The following DSG1 variants were observed in gnomAD, a reference collection of about 807,000 sequenced individuals.
DSG1 encodes the protein desmoglein-1.
A neutral mutation model predicts 97.5 loss-of-function variants in DSG1; 39 were observed. The ratio of observed to expected loss-of-function variants is 0.40; its 90% CI spans 0.31 to 0.52. The LOEUF is 0.52. Among genes scored for constraint, DSG1 ranks in the 20% least tolerant of loss-of-function variants. The pLI, the probability that DSG1 is intolerant of heterozygous loss-of-function variation, is 0.53. For synonymous variants in DSG1, 475 were observed against 443.4 expected (o/e 1.07, Z -0.90); for missense variants, 1,311 against 1,295.4 (o/e 1.01, Z -0.18).
At position 31,336,594 on chromosome 18, in the gene DSG1, A is replaced by G; in HGVS notation, c.1246A>G (p.Arg416Gly). 6.2e-7 allele frequency: 1 copy of G among 1,614,060 alleles called. No individual in the cohort carries two copies. The highest frequency in any genetic ancestry group is 1.1e-5 in the South Asian group (1 of 91,084). Residue 416 changes from arginine (R) to glycine (G), a missense_variant, in exon 9 of 15, where the codon AGA becomes GGA. This residue lies in a region of DSG1 where 1,038 missense variants were observed against 964.6 expected (regional missense o/e 1.08). Transcript: ENST00000257192. ...DFVATDLDTG[R>G]PSTTVRYVMG... Reference sequence around the variant, plus strand: ...TGTAGCTACTGACCTGGACACAGGTAGACCTTCAACGACTGTTAGGTAAGA... The same window carrying G: ...TGTAGCTACTGACCTGGACACAGGTGGACCTTCAACGACTGTTAGGTAAGA...
At chr18:31,338,170 G>T in intron 9 of DSG1, 145 bp from the exon 10 acceptor site, 1 of 829,788 alleles carries the variant, frequency 1.2e-6, no homozygotes. Context: ...TGCTAAGACT[G>T]CCCTGAAAAA....
intron 1 of DSG1, among the ~76,000 whole-genome samples, chr18:31,321,977 G>A (rs1346189023): frequency 1.3e-5 from 2 of 152,124 alleles, no homozygotes; most frequent in Non-Finnish European, 2.9e-5. Flanking sequence ...CCCAGTGCTG[G>A]GTCATGCCAC....
Position 31,354,619 on chromosome 18 carries a change from T to C in DSG1, c.2423T>C (p.Val808Ala). The change falls in exon 15 of 15, where the codon GTA (valine) becomes GCA (alanine). Residue 808 changes from valine (V) to alanine (A), a missense_variant. Val to Ala is a moderately conservative substitution (Grantham distance 64). Coordinates refer to ENST00000257192, the MANE Select transcript of DSG1 (RefSeq NM_001942.4). ...TCCCCACATTTCGGCACTACCACAG[T>C]AATTTCTGAGAGCACCTATCCCTCG... is the stretch of plus-strand genomic sequence containing the variant. The part of the protein sequence containing the change: ...PISPHFGTTT[V>A]ISESTYPSGP... 6.2e-7 allele frequency: 1 copy of C among 1,614,162 alleles called. No homozygotes were observed. The highest frequency in any genetic ancestry group is 1.3e-5 in the African/African-American group (1 of 75,026).
In DSG1 at chr18:31,356,678, C is replaced by T. The variant is rs976551138; in HGVS notation, c.*1332C>T. ...AAACCTATTCTGCTAGTTTATCTCA[C>T]CCTCTAATTTTTCTCACTAGCATAA... On this transcript the variant is annotated 3_prime_UTR_variant, in exon 15 of 15. Coordinates refer to ENST00000257192, the MANE Select transcript of DSG1 (RefSeq NM_001942.4). 2 of 152,064 alleles carry T rather than the reference C, an allele frequency of 1.3e-5. No homozygotes were observed. The highest frequency in any genetic ancestry group is 4.8e-5 in the African/African-American group (2 of 41,400). The allele number at this position is 152,064 out of a possible 1,614,324, so 9.4% of individuals were successfully genotyped here. A position where few individuals can be genotyped will look rare whatever the true frequency, so the allele number is the denominator to read the frequency against.
In DSG1 at chr18:31,338,407, A is replaced by G; in HGVS notation, c.1358A>G (p.Tyr453Cys). The change falls in exon 10 of 15, where the codon TAC becomes TGC. Residue 453 changes from tyrosine (Y) to cysteine (C), a missense_variant. By Grantham distance (194) the Tyr-to-Cys change is radical. This residue lies in a region of DSG1 where 1,038 missense variants were observed against 964.6 expected (regional missense o/e 1.08). Coordinates refer to ENST00000257192, the MANE Select transcript of DSG1 (RefSeq NM_001942.4). ...AAAAATAAAGTTACCAAGGAACAGT[A>G]CAATATGCTCGGAGGAAAATACCAA... is the stretch of plus-strand genomic sequence containing the variant. ...TLKNKVTKEQ[Y>C]NMLGGKYQGT... is the part of the protein sequence containing the mutation. 1.2e-6 allele frequency: 2 copies of G among 1,613,794 alleles called. No homozygotes were observed. The highest frequency in any genetic ancestry group is 1.7e-6 in the Non-Finnish European group (2 of 1,179,750).
chr18:31,340,361 C>T (rs141105670), intron 11 of DSG1, among the ~76,000 whole-genome samples: 8 of 151,568 alleles, frequency 5.3e-5, no homozygotes, highest in Non-Finnish European at 1.2e-4. Context: ...AATCCCAGAA[C>T]TTTGAGAGGC....
intron 11 of DSG1, among the ~76,000 whole-genome samples, chr18:31,341,550 TC>T (rs1313152289): frequency 6.6e-6 from 1 of 152,174 alleles, no homozygotes; most frequent in Non-Finnish European, 1.5e-5. Context: ...AAAACGTATT[TC>T]CAAAAAATGA....
intron 14 of DSG1, chr18:31,353,879 C>T (rs917997312): frequency 3.0e-5 from 8 of 265,496 alleles, no homozygotes; most frequent in African/African-American, 1.9e-4. Context: ...CTGGCACTCC[C>T]TAGTGAGATG....
rs532163560 is a variant in DSG1, at chr18:31,318,512, CTT to C, written c.48+166_48+167del. On this transcript the variant is annotated intron_variant, in intron 1 of 14. Transcript: ENST00000257192. ...CTAGATTTTTCAATAGCATTTCTCT[CTT>C]TAATTGAAGACTCAAGATCATGTTA... Among the ~76,000 whole-genome samples, 26 of 152,280 alleles carry C rather than the reference CTT, an allele frequency of 1.7e-4. No homozygotes were observed. In the South Asian group the frequency reaches 4.1e-3, roughly 24 times the overall value.
At chr18:31,324,398 A>G (rs1400195290) in intron 1 of DSG1, among the ~76,000 whole-genome samples, 1 of 151,072 alleles carries the variant, frequency 6.6e-6, no homozygotes, top group Non-Finnish European at 1.5e-5. Flanking sequence ...TGTATCCTCT[A>G]CTTTGGAAAT....
Position 31,329,981 on chromosome 18 carries a change from TCC to T in DSG1, c.463_464del (p.Pro155SerfsTer16). ...GGGTTTTGGATATAAATGACAACCC[TCC>T]AGTGTTTTCAATGGCTACATTTGCA... ...VRVLDINDNPPVFSMATFAGQ... is the reference protein window; with the variant it reads ...VRVLDINDNPXVFSMATFAGQ... On this transcript the variant is annotated frameshift_variant, in exon 5 of 15. Coordinates refer to ENST00000257192, the MANE Select transcript of DSG1 (RefSeq NM_001942.4). LOFTEE classifies it high-confidence loss of function. The T allele has an allele frequency of 6.2e-7, 1 of 1,613,338 alleles. No individual in the cohort carries two copies. Among genetic ancestry groups the T allele is most frequent in the Non-Finnish European group, 8.5e-7 (1 of 1,179,412 alleles).
At chr18:31,353,529 C>T (rs1055530465) in intron 14 of DSG1, among the ~76,000 whole-genome samples, 3 of 152,234 alleles carry the variant, frequency 2.0e-5, no homozygotes, top group African/African-American at 7.2e-5. Context: ...CTTTGTTTAC[C>T]TAATCAAGCC....
Position 31,328,181 on chromosome 18 carries a change from T to C in DSG1, c.217-8T>C, listed in dbSNP as rs201339427. 1.4e-5 allele frequency: 22 copies of C among 1,613,156 alleles called. No individual in the cohort carries two copies. The highest frequency in any genetic ancestry group is 1.9e-5 in the Non-Finnish European group (22 of 1,179,318). On this transcript the variant is annotated splice_region_variant and splice_polypyrimidine_tract_variant and intron_variant, in intron 3 of 14. Transcript: ENST00000257192. The stretch of plus-strand genomic sequence containing the variant: ...CCTCTAATATTTTTACTTGTGTTCC[T>C]TCTGCAGATTCACTCAGATTGTGCT...
In DSG1 at chr18:31,333,637, G is replaced by A. The variant is rs1185847460; in HGVS notation, c.733G>A (p.Gly245Arg). The change falls in exon 7 of 15, where the codon GGG becomes AGG. Residue 245 changes from glycine (G) to arginine (R), a missense_variant. Around this residue, in one of 3 missense-constraint regions of DSG1, gnomAD observed 259 missense variants for 304.1 expected, o/e 0.85. Transcript: ENST00000257192. Reference sequence around the variant, plus strand: ...TGTAAGAGGCTCTGACCGAGATGGCGGGGCAGATGGCATGTCAGCGGAATG... The same window carrying A: ...TGTAAGAGGCTCTGACCGAGATGGCAGGGCAGATGGCATGTCAGCGGAATG... ...LAVRGSDRDG[G>R]ADGMSAECEC... The A allele has an allele frequency of 3.7e-6, 6 of 1,613,760 alleles. No homozygotes were observed. The East Asian group carries it at 6.7e-5, about 18-fold the overall frequency.
Position 31,354,742 on chromosome 18 carries a change from C to T in DSG1, c.2546C>T (p.Pro849Leu). 1 of 1,614,090 alleles carries T rather than the reference C, an allele frequency of 6.2e-7. No homozygotes were observed. The highest frequency in any genetic ancestry group is 1.7e-5 in the Admixed American group (1 of 60,012). The part of the protein sequence containing the change: ...ESYTTSDTLK[P>L]SVHVHDNRPA... ...TACACCACCTCTGACACTCTGAAGC[C>T]CTCTGTGCACGTTCACGATAACCGA... Residue 849 changes from proline to leucine, a missense_variant, in exon 15 of 15, where the codon CCC becomes CTC. This residue lies in a region of DSG1 where 1,038 missense variants were observed against 964.6 expected (regional missense o/e 1.08). Coordinates refer to ENST00000257192, the MANE Select transcript of DSG1 (RefSeq NM_001942.4).
rs2071735974 is a variant in DSG1, at chr18:31,333,940, A to G, written c.820-77A>G. On this transcript the variant is annotated intron_variant, in intron 7 of 14. Transcript: ENST00000257192. ...ATCTTTTCTAAATAATGAAGTTATC[A>G]ACATTCCAGTATAAGCCTACTGTAG... 11 of 1,196,404 alleles carry G rather than the reference A, an allele frequency of 9.2e-6. No homozygotes were observed. The South Asian group carries it at 1.4e-4, about 15-fold the overall frequency. 74.1% of individuals were successfully genotyped at this position (1,196,404 alleles called of 1,614,324 possible). A position where few individuals can be genotyped will look rare whatever the true frequency, so the allele number is the denominator to read the frequency against.
intron 1 of DSG1, among the ~76,000 whole-genome samples, chr18:31,319,386 G>A (rs143811233): frequency 1.2e-3 from 178 of 152,246 alleles, no homozygotes; most frequent in African/African-American, 4.0e-3. Flanking sequence ...TTGATTCAAA[G>A]TATGCTGGTT....
chr18:31,337,763 A>G (rs907929892), intron 9 of DSG1, among the ~76,000 whole-genome samples: 2 of 152,232 alleles, frequency 1.3e-5, no homozygotes, highest in South Asian at 4.1e-4. Flanking sequence ...TTTCACAAAT[A>G]ATAGATGAGA....
At chr18:31,328,373 T>C (rs1378763623) in intron 4 of DSG1, 29 bp downstream of exon 4, 2 of 1,599,964 alleles carry the variant, frequency 1.3e-6, no homozygotes, top group Non-Finnish European at 1.7e-6. Flanking sequence ...AATATATATG[T>C]TCATGCTTAA....
Sources: gnomAD v4.1 joint callset for allele counts (sites outside exome capture counted in the v4.1 genomes callset) on GRCh38, gnomAD v4.1.1 for gene constraint, gnomAD v4.1.1 regional missense constraint, MANE v1.5 for transcripts, NCBI Gene and HGNC (gene_info 2026-07-23, HGNC 2026-07-21) for gene names.